The following GALNT11 variants were observed in gnomAD, a reference collection of about 807,000 sequenced individuals.
The protein encoded by GALNT11 is polypeptide N-acetylgalactosaminyltransferase 11, also known as UDP-GalNAc:polypeptide N-acetylgalactosaminyltransferase 11.
Under a neutral mutation model 72.7 loss-of-function variants are expected in GALNT11, and 47 were observed. The ratio of observed to expected loss-of-function variants is 0.65; its 90% confidence interval spans 0.51 to 0.82. GALNT11 has a LOEUF of 0.82. Ranked by LOEUF, GALNT11 falls within the 40% of genes least tolerant of loss-of-function variation. GALNT11 has a pLI of 0.00. For synonymous variants in GALNT11, 270 were observed against 286.6 expected, an observed-to-expected ratio of 0.94 and a Z score of 0.58; for missense variants, 677 against 778.4, an observed-to-expected ratio of 0.87 and a Z score of 1.55.
At chr7:152,079,613 G>A (rs1170463864) in intron 1 of GALNT11, among the ~76,000 whole-genome samples, 3 of 152,338 alleles carry the variant, frequency 2.0e-5, no homozygotes, top group African/African-American at 7.2e-5. Context: ...TTCCCAGGGA[G>A]CATATGATGT....
rs559650879 is a variant in GALNT11 at position 152,055,389 on chromosome 7, A to G, written c.-39+29505A>G. Reference sequence around the variant, plus strand: ...TATGAAATGCATTTTATAAATGGCTAGCAATTCACTTTTATTATCTGATGT... The same window carrying G: ...TATGAAATGCATTTTATAAATGGCTGGCAATTCACTTTTATTATCTGATGT... On this transcript the variant is annotated intron_variant, in intron 1 of 11. Coordinates refer to ENST00000430044, the MANE Select transcript of GALNT11 (RefSeq NM_022087.4). Among the ~76,000 whole-genome samples, 8 of 152,284 alleles carry G rather than the reference A, an allele frequency of 5.3e-5. No homozygotes were observed. The South Asian group carries it at 1.7e-3, about 32-fold the overall frequency.
In GALNT11 at chr7:152,100,843, A is replaced by G. The variant is rs1193623680; in HGVS notation, c.341A>G (p.Tyr114Cys). Reference sequence around the variant, plus strand: ...GATCAAGAGTTGAGAGACTTGGGCTATCAGAAACATGCTTTTAATATGCTT... The same window carrying G: ...GATCAAGAGTTGAGAGACTTGGGCTGTCAGAAACATGCTTTTAATATGCTT... ...ERDQELRDLG[Y>C]QKHAFNMLIS... Residue 114 changes from tyrosine to cysteine, a missense_variant, in exon 3 of 12, where the codon TAT becomes TGT. Tyr to Cys is a radical substitution (Grantham distance 194). Transcript: ENST00000430044. 6.2e-7 allele frequency: 1 copy of G among 1,614,124 alleles called. No individual in the cohort carries two copies. Among genetic ancestry groups the G allele is most frequent in the Admixed American group, 1.7e-5 (1 of 60,026 alleles).
At position 152,121,841 on chromosome 7, in the gene GALNT11, GTCTGACAGAGACGGGAGC is replaced by G; in HGVS notation, c.*170_*187del. ...GGGTGTGTTAGCAGAGGTGACACGT[GTCTGACAGAGACGGGAGC>G]TCTGAGTGTCCACGGGTGAAGAAGT... On this transcript the variant is annotated 3_prime_UTR_variant, in exon 12 of 12. Coordinates refer to ENST00000430044, the MANE Select transcript of GALNT11 (RefSeq NM_022087.4). The G allele has an allele frequency of 1.3e-6, 1 of 783,878 alleles. No homozygotes were observed. Among genetic ancestry groups the G allele is most frequent in the South Asian group, 2.0e-5 (1 of 48,994 alleles). The allele number at this position is 783,878 out of a possible 1,614,324, so 48.6% of individuals were successfully genotyped here.
At chr7:152,088,515 G>A (rs2085798173) in intron 1 of GALNT11, among the ~76,000 whole-genome samples, 1 of 147,870 alleles carries the variant, frequency 6.8e-6, no homozygotes, top group Non-Finnish European at 1.5e-5. Context: ...TTGGTTTCAG[G>A]GTTTTTTTTT....
chr7:152,090,181 G>A (rs141736760), intron 1 of GALNT11, among the ~76,000 whole-genome samples: 5 of 152,310 alleles, frequency 3.3e-5, no homozygotes, highest in African/African-American at 1.2e-4. Context: ...ATACACCCAG[G>A]AGTGACCAGG....
chr7:152,108,577 T>C (rs937911467), intron 6 of GALNT11, among the ~76,000 whole-genome samples: 1 of 152,204 alleles, frequency 6.6e-6, no homozygotes, highest in Non-Finnish European at 1.5e-5. Flanking sequence ...GTGTGGTGGT[T>C]GCTGTTTGGT....
Position 152,121,956 on chromosome 7 carries a change from A to AATTT in GALNT11, c.*280_*283dup. 3.2e-6 allele frequency: 1 copy of AATTT among 311,056 alleles called. No homozygotes were observed. The highest frequency in any genetic ancestry group is 5.9e-6 in the Non-Finnish European group (1 of 168,150). The allele number at this position is 311,056 out of a possible 1,614,324, so 19.3% of individuals were successfully genotyped here. A position where few individuals can be genotyped will look rare whatever the true frequency, so the allele number is the denominator to read the frequency against. ...GGTGATGTTTGAGCTGCTGTTAAGG[A>AATTT]ATTTCTTGCTTATAGAGGCAAACCA... On this transcript the variant is annotated 3_prime_UTR_variant, in exon 12 of 12. Coordinates refer to ENST00000430044, the MANE Select transcript of GALNT11 (RefSeq NM_022087.4).
intron 1 of GALNT11, among the ~76,000 whole-genome samples, chr7:152,057,456 G>A (rs1222179603): frequency 1.3e-5 from 2 of 151,716 alleles, no homozygotes. Flanking sequence ...ACAGGCGCCT[G>A]CTACCATGCC....
intron 4 of GALNT11, chr7:152,105,034 C>G: frequency 2.4e-6 from 1 of 408,918 alleles, no homozygotes; most frequent in Non-Finnish European, 4.3e-6. Context: ...AGTAAGTATT[C>G]CTCTTTGCTA....
At chr7:152,099,326 T>C (rs1165490705) in intron 2 of GALNT11, among the ~76,000 whole-genome samples, 1 of 151,382 alleles carries the variant, frequency 6.6e-6, no homozygotes, top group Non-Finnish European at 1.5e-5. Context: ...AGTTCTACTA[T>C]TTTTTAAAAA....
At chr7:152,063,689 A>G (rs1241047659) in intron 1 of GALNT11, among the ~76,000 whole-genome samples, 1 of 152,160 alleles carries the variant, frequency 6.6e-6, no homozygotes, top group Non-Finnish European at 1.5e-5. Context: ...TTCAAAGAAC[A>G]TCTTTATTTC....
intron 1 of GALNT11, among the ~76,000 whole-genome samples, chr7:152,082,399 A>G (rs991081286): frequency 1.3e-5 from 2 of 152,200 alleles, no homozygotes; most frequent in African/African-American, 4.8e-5. Flanking sequence ...GGGACCTCAC[A>G]TTCTGTATTT....
rs1285409974 is a variant in GALNT11, at chr7:152,099,424, C to T, written c.296-1374C>T. Among the ~76,000 whole-genome samples the T allele has an allele frequency of 2.7e-5, 4 of 148,796 alleles. No individual in the cohort carries two copies. In the Admixed American group the frequency reaches 2.7e-4, roughly 10 times the overall value. ...TGCTCTGCAGGCTGGAGTGCAGTGG[C>T]GCGATCTTGGCTCACTGCAACCTCT... On this transcript the variant is annotated intron_variant, in intron 2 of 11. Transcript: ENST00000430044.
rs6150397 is a variant in GALNT11 at position 152,113,712 on chromosome 7, C to CTTTTTTTTTTTTTT, written c.1233+343_1233+356dup. 3.0e-4 allele frequency among the ~76,000 whole-genome samples: 29 copies of CTTTTTTTTTTTTTT among 97,014 alleles called. 2 individuals are homozygous for CTTTTTTTTTTTTTT. Among genetic ancestry groups the CTTTTTTTTTTTTTT allele is most frequent in the Non-Finnish European group, 4.0e-4 (20 of 49,520 alleles). 63.6% of individuals were successfully genotyped at this position (97,014 alleles called of 152,430 possible). ...TGTGACGCCTGCAAAAGTTGGCTTT[C>CTTTTTTTTTTTTTT]TTTTTTTTTTTTTTTTTTTTTTTTT... is the stretch of plus-strand genomic sequence containing the variant. On this transcript the variant is annotated intron_variant, in intron 8 of 11. Coordinates refer to ENST00000430044, the MANE Select transcript of GALNT11 (RefSeq NM_022087.4).
chr7:152,111,644 A>ATATATAT (rs201303779), intron 7 of GALNT11, among the ~76,000 whole-genome samples: 2 of 139,210 alleles, frequency 1.4e-5, no homozygotes, highest in African/African-American at 2.7e-5. Flanking sequence ...ATATATATAT[A>ATATATAT]TTTTTTTAAA....
Position 152,032,977 on chromosome 7 carries a change from G to A in GALNT11, c.-39+7093G>A, listed in dbSNP as rs534188584. ...TAATGGACCTTGAGGACAGTCGTCC[G>A]GGACAGGAGATTAACACTGAGAAGG... On this transcript the variant is annotated intron_variant, in intron 1 of 11. Coordinates refer to ENST00000430044, the MANE Select transcript of GALNT11 (RefSeq NM_022087.4). Among the ~76,000 whole-genome samples the A allele has an allele frequency of 5.3e-3, 802 of 151,860 alleles. 8 individuals are homozygous for A. Among genetic ancestry groups the A allele is most frequent in the African/African-American group, 0.019 (770 of 41,486 alleles).
rs565824287 is a variant in GALNT11, at chr7:152,084,315, A to G, written c.-38-9875A>G. Among the ~76,000 whole-genome samples, 135 of 145,664 alleles carry G rather than the reference A, an allele frequency of 9.3e-4. 1 individual carries two copies. The highest frequency in any genetic ancestry group is 1.7e-3 in the Non-Finnish European group (113 of 66,802). On this transcript the variant is annotated intron_variant, in intron 1 of 11. Coordinates refer to ENST00000430044, the MANE Select transcript of GALNT11 (RefSeq NM_022087.4). ...AGCTATTCAGGAGGCTGAGAGGATGATGACTTGAGCCTAGAGTGTGGAGTT... is the reference window on the plus strand; with the variant it reads ...AGCTATTCAGGAGGCTGAGAGGATGGTGACTTGAGCCTAGAGTGTGGAGTT...
intron 10 of GALNT11, 92 bp from the exon 11 acceptor site, chr7:152,120,739 G>C (rs2089347375): frequency 8.7e-7 from 1 of 1,144,150 alleles, no homozygotes; most frequent in Non-Finnish European, 1.3e-6. Context: ...TCTGCTTTGA[G>C]ACCTTACAGA....
intron 1 of GALNT11, among the ~76,000 whole-genome samples, chr7:152,043,472 C>T (rs1359686388): frequency 1.3e-5 from 2 of 152,206 alleles, no homozygotes; most frequent in Non-Finnish European, 1.5e-5. Flanking sequence ...GGAACTGGCC[C>T]CTCATGGCAT....
Sources: allele counts gnomAD v4.1 joint callset (sites outside exome capture counted in the v4.1 genomes callset), GRCh38; gene constraint gnomAD v4.1.1; transcripts MANE v1.5; gene names NCBI Gene and HGNC (gene_info 2026-07-23, HGNC 2026-07-21).